GLI2: variants seen among roughly 807,000 people sequenced by gnomAD.
GLI2 encodes the protein GLI family zinc finger 2.
In GLI2, 22 loss-of-function variants were observed where a neutral mutation model predicts 78.9. That is an observed-to-expected ratio of 0.28 (90% CI 0.20 to 0.40). The LOEUF is 0.40. Among genes scored for constraint, GLI2 ranks in the 10% least tolerant of loss-of-function variants. The probability of loss-of-function intolerance (pLI) is 1.00; values close to 1 mark genes in which losing one functional copy is unlikely to be tolerated. For synonymous variants in GLI2, 974 were observed against 963.7 expected (o/e 1.01, Z -0.20); for missense variants, 2,097 against 2,213.2 (o/e 0.95, Z 1.05).
At chr2:120,960,619 A>G (rs1373837325) in intron 5 of GLI2, among the ~76,000 whole-genome samples, 1 of 152,236 alleles carries the variant, frequency 6.6e-6, no homozygotes, top group Non-Finnish European at 1.5e-5. Flanking sequence ...TCTGAAGAGG[A>G]TGTTCCTGTC....
chr2:120,846,709 C>T (rs1309469129), intron 2 of GLI2, among the ~76,000 whole-genome samples: 1 of 152,216 alleles, frequency 6.6e-6, no homozygotes, highest in Admixed American at 6.5e-5. Flanking sequence ...GCTGGGCAGT[C>T]CCAAGCTTGG....
At chr2:120,914,869 A>G (rs1371763444) in intron 2 of GLI2, among the ~76,000 whole-genome samples, 1 of 152,230 alleles carries the variant, frequency 6.6e-6, no homozygotes, top group Non-Finnish European at 1.5e-5. Context: ...ATCAAGCCAG[A>G]CTTGGCTGTG....
At chr2:120,979,019 A>G (rs976926596) in intron 10 of GLI2, among the ~76,000 whole-genome samples, 1 of 152,128 alleles carries the variant, frequency 6.6e-6, no homozygotes, top group Non-Finnish European at 1.5e-5. Context: ...TTGTTTTTTG[A>G]GACAGAGTCT....
At chr2:120,757,224 CTTTTT>C (rs33940321) in intron 1 of GLI2, among the ~76,000 whole-genome samples, 1 of 132,960 alleles carries the variant, frequency 7.5e-6, no homozygotes, top group Non-Finnish European at 1.6e-5. Flanking sequence ...TACTTTTCTG[CTTTTT>C]TTTTTTTTTG....
chr2:120,930,304 T>C (rs1558891250), intron 3 of GLI2, among the ~76,000 whole-genome samples: 1 of 152,184 alleles, frequency 6.6e-6, no homozygotes, highest in Non-Finnish European at 1.5e-5. Context: ...GTTCATGCCG[T>C]TTAATCTTCT....
intron 1 of GLI2, among the ~76,000 whole-genome samples, chr2:120,779,804 C>T (rs534512535): frequency 3.9e-5 from 6 of 152,370 alleles, no homozygotes; most frequent in African/African-American, 1.4e-4. Flanking sequence ...CCTAACCACT[C>T]CGCCATCCTG....
intron 2 of GLI2, among the ~76,000 whole-genome samples, chr2:120,926,381 A>G (rs1679676484): frequency 6.6e-6 from 1 of 152,158 alleles, no homozygotes; most frequent in Non-Finnish European, 1.5e-5. Context: ...ATTTGTCTGC[A>G]TTTCTTAGCC....
chr2:120,889,197 T>A (rs974745907), intron 2 of GLI2, among the ~76,000 whole-genome samples: 1 of 152,252 alleles, frequency 6.6e-6, no homozygotes, highest in Non-Finnish European at 1.5e-5. Context: ...GCTGGAAGTC[T>A]GTGGGTGATG....
intron 10 of GLI2, among the ~76,000 whole-genome samples, chr2:120,981,589 T>C (rs1682720571): frequency 6.6e-6 from 1 of 152,130 alleles, no homozygotes; most frequent in African/African-American, 2.4e-5. Flanking sequence ...TGGAAACAGA[T>C]AAAAGGCGTT....
rs189465482 is a variant in GLI2, at chr2:120,895,934, A to G, written c.149-31427A>G. ...TTGCAAAGGGCTCTGAAGTCATTAGAGCTATTTCTTGCTCATCACCTCCTG... is the reference window on the plus strand; with the variant it reads ...TTGCAAAGGGCTCTGAAGTCATTAGGGCTATTTCTTGCTCATCACCTCCTG... On this transcript the variant is annotated intron_variant, in intron 2 of 13. Coordinates refer to ENST00000361492, the MANE Select transcript of GLI2 (RefSeq NM_001374353.1). 7.5e-3 allele frequency among the ~76,000 whole-genome samples: 1,136 copies of G among 152,258 alleles called. 19 individuals carry two copies. Among genetic ancestry groups the G allele is most frequent in the African/African-American group, 0.025 (1,059 of 41,546 alleles).
Position 120,970,426 on chromosome 2 carries a change from C to T in GLI2, c.879C>T (p.Pro293=), listed in dbSNP as rs1318325355. ...TCACCTTCCCCCACCCCATCAACCC[C>T]GTGGCCTACCAGCAGATTCTGAGCC... The part of the protein sequence containing the change: ...PAFTFPHPIN[P]VAYQQILSQQ... Residue 293 remains proline (P), a synonymous_variant, in exon 7 of 14, where the codon CCC becomes CCT. Coordinates refer to ENST00000361492, the MANE Select transcript of GLI2 (RefSeq NM_001374353.1). The T allele has an allele frequency of 2.4e-5, 38 of 1,613,692 alleles. No individual in the cohort carries two copies. In the East Asian group the frequency reaches 4.0e-4, roughly 17 times the overall value.
At chr2:120,960,381 C>CG (rs1337469401) in intron 5 of GLI2, among the ~76,000 whole-genome samples, 1 of 152,092 alleles carries the variant, frequency 6.6e-6, no homozygotes, top group African/African-American at 2.4e-5. Context: ...GGCAAGAGGG[C>CG]GAGCAGGGAG....
intron 1 of GLI2, among the ~76,000 whole-genome samples, chr2:120,768,633 C>T (rs1261321810): frequency 2.0e-5 from 3 of 152,178 alleles, no homozygotes; most frequent in African/African-American, 7.2e-5. Flanking sequence ...CCTGTTGGTG[C>T]CTCACAGGGA....
In GLI2 at chr2:120,765,665, C is replaced by T. The variant is rs563734810; in HGVS notation, c.-31+29380C>T. On this transcript the variant is annotated intron_variant, in intron 1 of 13. Transcript: ENST00000361492. ...GAGCTGACGCCCCCTCCATCAGGAC[C>T]CGTTAGGGCAGGTCTGGGGAACAGG... Among the ~76,000 whole-genome samples, 18 of 152,368 alleles carry T rather than the reference C, an allele frequency of 1.2e-4. No homozygotes were observed. The East Asian group carries it at 3.3e-3, about 28-fold the overall frequency.
At position 120,930,114 on chromosome 2, in the gene GLI2, G is replaced by T. The variant is rs529313582; in HGVS notation, c.254+2648G>T. Among the ~76,000 whole-genome samples the T allele has an allele frequency of 2.6e-5, 4 of 152,316 alleles. No homozygotes were observed. The South Asian group carries it at 8.3e-4, about 32-fold the overall frequency. On this transcript the variant is annotated intron_variant, in intron 3 of 13. Coordinates refer to ENST00000361492, the MANE Select transcript of GLI2 (RefSeq NM_001374353.1). Reference sequence around the variant, plus strand: ...ACCTGGGCAATGCTGAGAGCTTTGTGCAGAGACAGTCCATGCTGGAGTGCT... The same window carrying T: ...ACCTGGGCAATGCTGAGAGCTTTGTTCAGAGACAGTCCATGCTGGAGTGCT...
chr2:120,780,991 A>G (rs1683830107), intron 1 of GLI2, among the ~76,000 whole-genome samples: 1 of 152,130 alleles, frequency 6.6e-6, no homozygotes, highest in Non-Finnish European at 1.5e-5. Context: ...TGTCCTGAGC[A>G]TCCGAGCCCT....
chr2:120,756,846 C>T (rs1005366304), intron 1 of GLI2, among the ~76,000 whole-genome samples: 3 of 152,030 alleles, frequency 2.0e-5, no homozygotes, highest in Non-Finnish European at 4.4e-5. Flanking sequence ...ATTTCTTCTT[C>T]CTATCCTCTA....
intron 2 of GLI2, among the ~76,000 whole-genome samples, chr2:120,860,496 T>C (rs1181129758): frequency 1.3e-5 from 2 of 152,182 alleles, no homozygotes; most frequent in Non-Finnish European, 2.9e-5. Context: ...CTTGGCTCCC[T>C]TTCGAGATTC....
chr2:120,750,919 G>A (rs1305180845), intron 1 of GLI2, among the ~76,000 whole-genome samples: 1 of 152,258 alleles, frequency 6.6e-6, no homozygotes, highest in African/African-American at 2.4e-5. Context: ...GCCCCAGGGG[G>A]ATGCCCCGGT....
Sources: gnomAD v4.1 joint callset for allele counts (sites outside exome capture counted in the v4.1 genomes callset) on GRCh38, gnomAD v4.1.1 for gene constraint, MANE v1.5 for transcripts, NCBI Gene and HGNC (gene_info 2026-07-23, HGNC 2026-07-21) for gene names.